The following SLC14A2 variants were observed in gnomAD, a reference collection of about 807,000 sequenced individuals.
SLC14A2 encodes solute carrier family 14 member 2, also known as urea transporter 2.
A neutral mutation model predicts 104.6 loss-of-function variants in SLC14A2; 91 were observed. That is an observed-to-expected ratio of 0.87 (90% CI 0.73 to 1.04). SLC14A2 has a LOEUF of 1.04. SLC14A2 is among the 50% of genes least tolerant of loss of function. The pLI is 0.00. For missense variants in SLC14A2, 1,189 were observed against 1,156.0 expected (o/e 1.03, Z -0.41); for synonymous variants, 476 against 466.4 (o/e 1.02, Z -0.27).
At chr18:45,368,622 G>C (rs188551945) in intron 1 of SLC14A2, among the ~76,000 whole-genome samples, 157 of 152,320 alleles carry the variant, frequency 1.0e-3, no homozygotes, top group African/African-American at 3.7e-3. Context: ...CTTCGCAAAT[G>C]TCAAAGCTAG....
At position 45,673,792 on chromosome 18, in the gene SLC14A2, G is replaced by A; in HGVS notation, c.2487G>A (p.Gln829=). 6.2e-7 allele frequency: 1 copy of A among 1,614,182 alleles called. No homozygotes were observed. The highest frequency in any genetic ancestry group is 8.5e-7 in the Non-Finnish European group (1 of 1,179,990). The change falls in exon 18 of 20, where the codon CAG becomes CAA. Residue 829 remains glutamine (Q), a synonymous_variant. Coordinates refer to ENST00000255226, the MANE Select transcript of SLC14A2 (RefSeq NM_007163.4). Reference sequence around the variant, plus strand: ...GCATGTTCTACGTCATCACCTGGCAGACGCACCTCCTCGCCATCGCCTGCG... The same window carrying A: ...GCATGTTCTACGTCATCACCTGGCAAACGCACCTCCTCGCCATCGCCTGCG... The part of the protein sequence containing the change: ...IGGMFYVITW[Q]THLLAIACAL...
chr18:45,209,121 G>A (rs571869525), upstream of SLC14A2, among the ~76,000 whole-genome samples: 1 of 149,190 alleles, frequency 6.7e-6, no homozygotes, highest in South Asian at 2.1e-4. Context: ...CGGATCATGA[G>A]GTCAGTAGAT....
intron 1 of SLC14A2, among the ~76,000 whole-genome samples, chr18:45,461,435 C>A (rs2087042958): frequency 6.6e-6 from 1 of 152,248 alleles, no homozygotes; most frequent in Non-Finnish European, 1.5e-5. Flanking sequence ...AGGACAGCAT[C>A]CTGACCATCT....
At chr18:45,178,550 A>G in the SLC14A2 span, among the ~76,000 whole-genome samples, 2 of 152,186 alleles carry the variant, frequency 1.3e-5, no homozygotes, top group Non-Finnish European at 2.9e-5. Flanking sequence ...AAATAGCAAA[A>G]GAATTATAGG....
intron 1 of SLC14A2, among the ~76,000 whole-genome samples, chr18:45,358,445 C>A (rs2144321712): frequency 6.6e-6 from 1 of 152,312 alleles, no homozygotes; most frequent in Non-Finnish European, 1.5e-5. Context: ...CTTCTGGAAG[C>A]AGTACCTCCT....
intron 1 of SLC14A2, among the ~76,000 whole-genome samples, chr18:45,428,259 C>G (rs73435809): frequency 0.021 from 3,156 of 152,292 alleles, 71 homozygotes; most frequent in Middle Eastern, 0.071. Flanking sequence ...TAGCCAGTCT[C>G]TAGGGATAGC....
At chr18:45,338,191 T>G (rs1260849182) in intron 1 of SLC14A2, among the ~76,000 whole-genome samples, 3 of 152,120 alleles carry the variant, frequency 2.0e-5, no homozygotes, top group African/African-American at 7.2e-5. Flanking sequence ...CACCTGTTTT[T>G]TTGTTTGTTT....
At chr18:45,567,500 C>T (rs1340124137) in intron 2 of SLC14A2, among the ~76,000 whole-genome samples, 1 of 152,218 alleles carries the variant, frequency 6.6e-6, no homozygotes, top group East Asian at 1.9e-4. Flanking sequence ...TATTCAATAC[C>T]TAGGATATCT....
In SLC14A2 at chr18:45,662,177, C is replaced by T. The variant is rs540109632; in HGVS notation, c.1352-1608C>T. Among the ~76,000 whole-genome samples, 6 of 152,226 alleles carry T rather than the reference C, an allele frequency of 3.9e-5. No homozygotes were observed. The South Asian group carries it at 1.0e-3, about 26-fold the overall frequency. On this transcript the variant is annotated intron_variant, in intron 10 of 19. Transcript: ENST00000255226. The stretch of plus-strand genomic sequence containing the variant: ...AATTAGCCGGGTGTGATGGTGGGCA[C>T]CTGTAATCCCAGCTACTCAGGAGGC...
At chr18:45,298,584 G>T (rs997231371) in intron 1 of SLC14A2, among the ~76,000 whole-genome samples, 1 of 152,278 alleles carries the variant, frequency 6.6e-6, no homozygotes, top group Non-Finnish European at 1.5e-5. Flanking sequence ...CTCCTGTTTA[G>T]ATTAGTAAAC....
rs768948540 is a variant in SLC14A2 at position 45,271,175 on chromosome 18, TAGA to T, written c.-125+57989_-125+57991del. Among the ~76,000 whole-genome samples the T allele has an allele frequency of 9.9e-5, 15 of 152,282 alleles. No individual in the cohort carries two copies. In the South Asian group the frequency reaches 2.7e-3, roughly 27 times the overall value. ...TGACATTTGCAGAGCCTAACCAAGT[TAGA>T]AGAACAAAGGAAAAAGTAATTCTTA... is the stretch of plus-strand genomic sequence containing the variant. On this transcript the variant is annotated intron_variant, in intron 1 of 20. Transcript: ENST00000586448.
At position 45,632,489 on chromosome 18, in the gene SLC14A2, T is replaced by A; in HGVS notation, c.650+11T>A. 2 of 1,612,616 alleles carry A rather than the reference T, an allele frequency of 1.2e-6. No individual in the cohort carries two copies. The highest frequency in any genetic ancestry group is 1.7e-6 in the Non-Finnish European group (2 of 1,179,356). Reference sequence around the variant, plus strand: ...CACAGCCATGTCCTGGTGAGGCACCTCATTTTTTCTGCTCACAGCTCCATG... The same window carrying A: ...CACAGCCATGTCCTGGTGAGGCACCACATTTTTTCTGCTCACAGCTCCATG... On this transcript the variant is annotated intron_variant, in intron 5 of 19. Coordinates refer to ENST00000255226, the MANE Select transcript of SLC14A2 (RefSeq NM_007163.4).
Position 45,389,646 on chromosome 18 carries a change from G to T in SLC14A2, c.-124-93587G>T, listed in dbSNP as rs376694355. 1.4e-4 allele frequency among the ~76,000 whole-genome samples: 22 copies of T among 152,264 alleles called. No homozygotes were observed. In the East Asian group the frequency reaches 3.5e-3, roughly 24 times the overall value. On this transcript the variant is annotated intron_variant, in intron 1 of 20. Coordinates refer to the SLC14A2 transcript ENST00000586448. ...GAGTTGTTCAACTAAAGAGCTAAAA[G>T]GTGCTTTATATTTGAGAATATTTGC...
Position 45,494,466 on chromosome 18 carries a change from C to T in SLC14A2, c.-35+11144C>T, listed in dbSNP as rs571431731. Reference sequence around the variant, plus strand: ...AGGCTGGAGTACAGTGTTGCAATCTCGGCTCACTGCAACCTCCACCTCCTG... The same window carrying T: ...AGGCTGGAGTACAGTGTTGCAATCTTGGCTCACTGCAACCTCCACCTCCTG... On this transcript the variant is annotated intron_variant, in intron 2 of 20. Transcript: ENST00000586448. Among the ~76,000 whole-genome samples, 24 of 152,290 alleles carry T rather than the reference C, an allele frequency of 1.6e-4. No individual in the cohort carries two copies. In the South Asian group the frequency reaches 4.1e-3, roughly 26 times the overall value.
intron 1 of SLC14A2, among the ~76,000 whole-genome samples, chr18:45,245,296 A>C (rs1477416282): frequency 6.6e-6 from 1 of 152,106 alleles, no homozygotes; most frequent in African/African-American, 2.4e-5. Context: ...TACTTTTAAG[A>C]ATGTAGCTGG....
chr18:45,436,413 G>A (rs1689981235), intron 1 of SLC14A2, among the ~76,000 whole-genome samples: 1 of 152,120 alleles, frequency 6.6e-6, no homozygotes, highest in South Asian at 2.1e-4. Context: ...AGAGGGAAGA[G>A]CTGGAAAGGA....
intron 1 of SLC14A2, among the ~76,000 whole-genome samples, chr18:45,454,935 C>G (rs1411875369): frequency 6.6e-6 from 1 of 152,096 alleles, no homozygotes; most frequent in African/African-American, 2.4e-5. Flanking sequence ...AGTCAGGTAG[C>G]GTGATGCCTC....
chr18:45,209,198 A>AT (rs386387557), upstream of SLC14A2, among the ~76,000 whole-genome samples: 2 of 150,060 alleles, frequency 1.3e-5, no homozygotes, highest in East Asian at 3.9e-4. Flanking sequence ...AAAAAAAAAA[A>AT]ATCAGGTGGT....
At chr18:45,251,906 TTAA>T in intron 1 of SLC14A2, among the ~76,000 whole-genome samples, 1 of 152,274 alleles carries the variant, frequency 6.6e-6, no homozygotes, top group East Asian at 1.9e-4. Context: ...CAGCCTCCAG[TTAA>T]TGATGATGAC....
Sources: gnomAD v4.1 joint callset for allele counts (sites outside exome capture counted in the v4.1 genomes callset) on GRCh38, gnomAD v4.1.1 for gene constraint, MANE v1.5 for transcripts, NCBI Gene and HGNC (gene_info 2026-07-23, HGNC 2026-07-21) for gene names.